The following PHF20 variants were observed in gnomAD, a reference collection of about 807,000 sequenced individuals.
The protein encoded by PHF20 is PHD finger protein 20, also known as glioma-expressed antigen 2.
In PHF20, 23 loss-of-function variants were observed where a neutral mutation model predicts 113.5. The ratio of observed to expected loss-of-function variants is 0.20; its 90% confidence interval spans 0.15 to 0.29. The LOEUF (loss-of-function observed/expected upper bound fraction) is 0.29, where lower values mean the gene tolerates loss of function less well. Ranked by LOEUF, PHF20 falls within the 10% of genes least tolerant of loss-of-function variation. PHF20 has a pLI of 1.00. For synonymous variants in PHF20, 434 were observed against 457.3 expected (o/e 0.95, Z 0.65); for missense variants, 943 against 1,219.6 (o/e 0.77, Z 3.38).
At chr20:35,936,135 T>A (rs899300584) in intron 15 of PHF20, among the ~76,000 whole-genome samples, 12 of 152,278 alleles carry the variant, frequency 7.9e-5, no homozygotes, top group African/African-American at 2.4e-4. Flanking sequence ...ATGGTTTTTT[T>A]AATAAAGAGC....
chr20:35,791,537 G>GTATATATATA (rs59752864), intron 1 of PHF20, among the ~76,000 whole-genome samples: 15 of 127,206 alleles, frequency 1.2e-4, no homozygotes, highest in South Asian at 7.4e-4. Flanking sequence ...TTAGAATAGT[G>GTATATATATA]TATATATATA....
intron 9 of PHF20, among the ~76,000 whole-genome samples, chr20:35,872,528 A>G (rs2054440732): frequency 6.6e-6 from 1 of 152,234 alleles, no homozygotes; most frequent in Non-Finnish European, 1.5e-5. Flanking sequence ...GTCTAAATAA[A>G]TAAATAAATA....
intron 17 of PHF20, among the ~76,000 whole-genome samples, chr20:35,942,948 C>T (rs1254511146): frequency 6.6e-6 from 1 of 152,050 alleles, no homozygotes; most frequent in African/African-American, 2.4e-5. Flanking sequence ...CTCAGCCTCC[C>T]GCGTAGCTGG....
chr20:35,822,235 T>C (rs2378411), intron 2 of PHF20, among the ~76,000 whole-genome samples: 149,141 of 152,094 alleles, frequency 0.98, 73,197 homozygotes, highest in Middle Eastern at 1. Context: ...GACTCTGTCT[T>C]ACAACACATA....
rs773060725 is a variant in PHF20 at position 35,881,048 on chromosome 20, C to CTT, written c.1282+9240_1282+9241dup. On this transcript the variant is annotated intron_variant, in intron 9 of 17. Coordinates refer to ENST00000374012, the MANE Select transcript of PHF20 (RefSeq NM_016436.5). ...GTTCCAGACCTTTATCTCTAAATAC[C>CTT]TTTTTTTTTTTTTTTTTTTTTTCTG... Among the ~76,000 whole-genome samples, 78 of 109,740 alleles carry CTT rather than the reference C, an allele frequency of 7.1e-4. 1 individual carries two copies. Among genetic ancestry groups the CTT allele is most frequent in the Non-Finnish European group, 8.4e-4 (48 of 56,850 alleles). The allele number at this position is 109,740 out of a possible 152,430, so 72.0% of individuals were successfully genotyped here. A position where few individuals can be genotyped will look rare whatever the true frequency, so the allele number is the denominator to read the frequency against.
chr20:35,793,057 C>A (rs1156491882), intron 1 of PHF20, among the ~76,000 whole-genome samples: 4 of 152,184 alleles, frequency 2.6e-5, no homozygotes, highest in Non-Finnish European at 5.9e-5. Context: ...TTGGAGGCTT[C>A]TTCCTGGGAG....
chr20:35,859,338 T>A (rs572577176), intron 5 of PHF20, among the ~76,000 whole-genome samples: 1 of 152,326 alleles, frequency 6.6e-6, no homozygotes, highest in South Asian at 2.1e-4. Flanking sequence ...TATGTTTTAA[T>A]AGTTGAGGGG....
Position 35,871,032 on chromosome 20 carries a change from A to G in PHF20, c.1000A>G (p.Asn334Asp). The G allele has an allele frequency of 1.2e-6, 2 of 1,612,548 alleles. No individual in the cohort carries two copies. Among genetic ancestry groups the G allele is most frequent in the Non-Finnish European group, 8.5e-7 (1 of 1,179,512 alleles). ...GAGACGTTCCTCCAGGCTGTCCACTAATGGGACCCATGAGATCCTAGATCC... is the reference window on the plus strand; with the variant it reads ...GAGACGTTCCTCCAGGCTGTCCACTGATGGGACCCATGAGATCCTAGATCC... ...SRRRSSRLST[N>D]GTHEILDPDL... The change falls in exon 8 of 18, where the codon AAT (asparagine) becomes GAT (aspartate). Residue 334 changes from asparagine (N) to aspartate (D), a missense_variant. Asn to Asp is a conservative substitution (Grantham distance 23). This residue lies in a region of PHF20 where 592 missense variants were observed against 787.2 expected (regional missense o/e 0.75). Transcript: ENST00000374012.
chr20:35,940,203 A>G (rs1258783388), intron 16 of PHF20, among the ~76,000 whole-genome samples: 2 of 152,188 alleles, frequency 1.3e-5, no homozygotes, highest in Non-Finnish European at 2.9e-5. Flanking sequence ...TGAAAGGTTG[A>G]GTTACCAAAT....
chr20:35,945,600 C>G (rs1433122425), intron 17 of PHF20, among the ~76,000 whole-genome samples: 1 of 152,024 alleles, frequency 6.6e-6, no homozygotes, highest in Non-Finnish European at 1.5e-5. Flanking sequence ...TTGCTGCACT[C>G]CAGGGTCCAG....
chr20:35,892,054 TG>T (rs112885878), intron 9 of PHF20, among the ~76,000 whole-genome samples: 8,555 of 150,520 alleles, frequency 0.057, 378 homozygotes, highest in African/African-American at 0.13. Context: ...TGTTTTTTTT[TG>T]TTTTTTTGTT....
chr20:35,901,937 GA>G (rs2055105937), intron 10 of PHF20, among the ~76,000 whole-genome samples: 1 of 132,318 alleles, frequency 7.6e-6, no homozygotes, highest in Non-Finnish European at 1.7e-5. Flanking sequence ...ATTAGTTTGT[GA>G]GCTAATCTTT....
intron 13 of PHF20, among the ~76,000 whole-genome samples, chr20:35,923,135 C>A (rs1209835832): frequency 5.9e-5 from 9 of 152,086 alleles, no homozygotes; most frequent in Non-Finnish European, 1.3e-4. Context: ...CAAACAAAAA[C>A]CCCTAAACAA....
At chr20:35,907,427 G>C (rs1211831612) in intron 10 of PHF20, among the ~76,000 whole-genome samples, 1 of 152,206 alleles carries the variant, frequency 6.6e-6, no homozygotes, top group Non-Finnish European at 1.5e-5. Context: ...GGGCAGCCGG[G>C]AGGAAGCTCC....
intron 1 of PHF20, among the ~76,000 whole-genome samples, chr20:35,790,173 T>G (rs1241783280): frequency 6.6e-6 from 1 of 151,414 alleles, no homozygotes; most frequent in African/African-American, 2.4e-5. Flanking sequence ...GTAGTAACCC[T>G]GCAAGCTTAT....
intron 17 of PHF20, 78 bp downstream of exon 17, chr20:35,941,125 A>T: frequency 8.2e-7 from 1 of 1,213,888 alleles, no homozygotes; most frequent in South Asian, 1.4e-5. Context: ...TGAACCCCCC[A>T]GTCTGAGTTT....
chr20:35,807,428 C>G (rs1421874178), intron 2 of PHF20, among the ~76,000 whole-genome samples: 1 of 149,118 alleles, frequency 6.7e-6, no homozygotes, highest in Non-Finnish European at 1.5e-5. Flanking sequence ...TTTGGGCTCA[C>G]TGCAACCTCC....
At chr20:35,817,439 G>A (rs1375323395) in intron 2 of PHF20, among the ~76,000 whole-genome samples, 5 of 151,846 alleles carry the variant, frequency 3.3e-5, no homozygotes, top group East Asian at 2.0e-4. Flanking sequence ...CACCTGCCTC[G>A]GCCTCCCAAA....
At chr20:35,823,882 C>T (rs1204767098) in intron 2 of PHF20, among the ~76,000 whole-genome samples, 1 of 152,124 alleles carries the variant, frequency 6.6e-6, no homozygotes, top group Non-Finnish European at 1.5e-5. Context: ...TTGAGACTCA[C>T]CCGTATTTTT....
Sources: allele counts gnomAD v4.1 joint callset (sites outside exome capture counted in the v4.1 genomes callset), GRCh38; gene constraint gnomAD v4.1.1; regional missense constraint gnomAD v4.1.1; transcripts MANE v1.5; gene names NCBI Gene and HGNC (gene_info 2026-07-23, HGNC 2026-07-21).